The following TUBGCP3 variants were observed in gnomAD, a reference collection of about 807,000 sequenced individuals.
TUBGCP3 encodes the protein gamma-tubulin complex component 3.
TUBGCP3 carries 50 observed loss-of-function variants against 123.1 expected under a neutral mutation model. That is an observed-to-expected ratio of 0.41 (90% CI 0.32 to 0.51). The LOEUF is 0.51. Among genes scored for constraint, TUBGCP3 ranks in the 20% least tolerant of loss-of-function variants. TUBGCP3 has a pLI of 0.36. For synonymous variants in TUBGCP3, 405 were observed against 413.9 expected (o/e 0.98, Z 0.26); for missense variants, 882 against 1,127.0 (o/e 0.78, Z 3.11).
chr13:112,602,789 T>C, the TUBGCP3 span: 1 of 152,364 alleles, frequency 6.6e-6, no homozygotes, highest in African/African-American at 2.4e-5. Flanking sequence ...TCTGTATAAT[T>C]TGAGGCAGAC....
chr13:112,503,831 T>C (rs768908130), intron 19 of TUBGCP3, among the ~76,000 whole-genome samples: 1 of 152,234 alleles, frequency 6.6e-6, no homozygotes, highest in Non-Finnish European at 1.5e-5. Flanking sequence ...TTAGAGTATA[T>C]TCTTGTTTCA....
intron 13 of TUBGCP3, 73 bp from the exon 14 acceptor site, chr13:112,522,582 A>T: frequency 6.8e-7 from 1 of 1,479,732 alleles, no homozygotes; most frequent in Non-Finnish European, 9.3e-7. Context: ...ATGAAGGCAC[A>T]TACATCCAGA....
At chr13:112,535,945 T>C (rs965580369) in intron 11 of TUBGCP3, among the ~76,000 whole-genome samples, 29 of 152,206 alleles carry the variant, frequency 1.9e-4, no homozygotes, top group African/African-American at 6.8e-4. Context: ...TCTTTACATA[T>C]GGTGTATGAC....
At chr13:112,525,012 CA>C (rs1876933027) in intron 13 of TUBGCP3, among the ~76,000 whole-genome samples, 1 of 152,162 alleles carries the variant, frequency 6.6e-6, no homozygotes, top group African/African-American at 2.4e-5. Context: ...TCCTGATCCC[CA>C]GCCCTCCTGT....
chr13:112,593,665 T>C, the TUBGCP3 span, among the ~76,000 whole-genome samples: 4 of 150,444 alleles, frequency 2.7e-5, no homozygotes, highest in Non-Finnish European at 5.9e-5. Context: ...AGAGCAAGAC[T>C]CCATCTCAAA....
At chr13:112,547,362 G>A (rs1360250083) in intron 10 of TUBGCP3, 1 of 475,604 alleles carries the variant, frequency 2.1e-6, no homozygotes, top group Admixed American at 4.3e-5. Flanking sequence ...ACACTGGCAA[G>A]TGGTTACGTC....
chr13:112,550,634 A>G (rs541359090), intron 8 of TUBGCP3, among the ~76,000 whole-genome samples: 2 of 152,352 alleles, frequency 1.3e-5, no homozygotes, highest in South Asian at 4.1e-4. Context: ...CGCCTGGCAC[A>G]GTGTGGGCAC....
intron 3 of TUBGCP3, 45 bp downstream of exon 3, chr13:112,565,066 A>G: frequency 6.5e-7 from 1 of 1,537,042 alleles, no homozygotes; most frequent in Non-Finnish European, 9.0e-7. Context: ...CACTCATCAT[A>G]TCCTCAACAA....
At chr13:112,497,847 A>G (rs1346997474) in intron 20 of TUBGCP3, among the ~76,000 whole-genome samples, 2 of 152,238 alleles carry the variant, frequency 1.3e-5, no homozygotes, top group African/African-American at 4.8e-5. Context: ...ATTTTATGGG[A>G]CTACTGTCAT....
At chr13:112,547,253 G>A in intron 10 of TUBGCP3, 2 of 396,844 alleles carry the variant, frequency 5.0e-6, no homozygotes, top group Non-Finnish European at 4.4e-6. Context: ...CCATAACCAA[G>A]GACCACACAA....
chr13:112,545,949 G>A lies in TUBGCP3; in HGVS notation c.1169-84C>T, dbSNP rs1003484785. 38 of 1,470,924 alleles carry A rather than the reference G, an allele frequency of 2.6e-5. No homozygotes were observed. Among genetic ancestry groups the A allele is most frequent in the Non-Finnish European group, 3.3e-5 (35 of 1,070,810 alleles). 91.1% of individuals were successfully genotyped at this position (1,470,924 alleles called of 1,614,324 possible). On this transcript the variant is annotated intron_variant, in intron 10 of 21. Transcript: ENST00000261965. This position sits in a 1 kb window ranked among gnomAD's most constrained non-coding sequence, Gnocchi z 4.1. ...CAGTCACTTCTCACCAACCAAAGAC[G>A]CCCAAGTAATTGAGATAAAGAGCAT...
At chr13:112,531,233 C>T (rs1256705399) in intron 11 of TUBGCP3, among the ~76,000 whole-genome samples, 3 of 152,188 alleles carry the variant, frequency 2.0e-5, no homozygotes, top group Non-Finnish European at 4.4e-5. Flanking sequence ...ATTTTTATGA[C>T]CATAGGGAAG....
chr13:112,578,282 G>A (rs531824567), intron 1 of TUBGCP3, among the ~76,000 whole-genome samples: 2 of 151,968 alleles, frequency 1.3e-5, no homozygotes, highest in African/African-American at 4.8e-5. Flanking sequence ...GCTCTCGGCC[G>A]GGCGCGGTGG....
intron 11 of TUBGCP3, among the ~76,000 whole-genome samples, chr13:112,533,695 T>TTTTA (rs1057251356): frequency 1.3e-5 from 2 of 151,624 alleles, no homozygotes; most frequent in Non-Finnish European, 2.9e-5. Context: ...ATGTGCTAAA[T>TTTTA]TTTATTTATT....
At position 112,556,124 on chromosome 13, in the gene TUBGCP3, T is replaced by C. The variant is rs751573665; in HGVS notation, c.649A>G (p.Thr217Ala). 1.1e-5 allele frequency: 17 copies of C among 1,614,002 alleles called. No homozygotes were observed. The highest frequency in any genetic ancestry group is 1.3e-5 in the Non-Finnish European group (15 of 1,180,004). ...LTANQPSSQA[T>A]TSKGVPSAVS... ...GCACTGGGGACACCTTTTGAGGTAG[T>C]GGCTTGTGAAGAAGGCTGATTTGCA... Residue 217 changes from threonine to alanine, a missense_variant, in exon 6 of 22, where the codon ACT becomes GCT. Coordinates refer to ENST00000261965, the MANE Select transcript of TUBGCP3 (RefSeq NM_006322.6).
intron 20 of TUBGCP3, among the ~76,000 whole-genome samples, chr13:112,490,648 T>C (rs896621099): frequency 6.6e-6 from 1 of 152,268 alleles, no homozygotes; most frequent in Admixed American, 6.5e-5. Flanking sequence ...TCATAAATTA[T>C]GCTTTTAAAT....
chr13:112,500,298 G>T (rs1454617076), intron 19 of TUBGCP3, among the ~76,000 whole-genome samples: 2 of 152,184 alleles, frequency 1.3e-5, no homozygotes, highest in Non-Finnish European at 2.9e-5. Context: ...AGCTTGACAA[G>T]GGTCCTATCA....
chr13:112,559,115 T>A (rs1350536934), intron 4 of TUBGCP3, among the ~76,000 whole-genome samples: 1 of 152,182 alleles, frequency 6.6e-6, no homozygotes, highest in East Asian at 1.9e-4. Context: ...TATGTCTGAA[T>A]AACAAAATTC....
chr13:112,554,255 C>T, intron 7 of TUBGCP3, 73 bp from the exon 8 acceptor site: 1 of 1,543,140 alleles, frequency 6.5e-7, no homozygotes, highest in Non-Finnish European at 8.8e-7. Flanking sequence ...TTTTCTCAAG[C>T]ACTTCTACTT....
Sources: gnomAD v4.1 joint callset for allele counts (sites outside exome capture counted in the v4.1 genomes callset) on GRCh38, gnomAD v4.1.1 for gene constraint, Gnocchi (gnomAD v3.1) non-coding constraint, MANE v1.5 for transcripts, NCBI Gene and HGNC (gene_info 2026-07-23, HGNC 2026-07-21) for gene names.